MRPS35: variants seen among roughly 807,000 people sequenced by gnomAD.
The protein encoded by MRPS35 is small ribosomal subunit protein mS35.
In MRPS35, 29 loss-of-function variants were observed where a neutral mutation model predicts 32.7. The observed-to-expected ratio is 0.89, with a 90% CI of 0.66 to 1.21. The LOEUF is 1.21. MRPS35 is among the 50% of genes most tolerant of loss of function. MRPS35 has a pLI of 0.00. For synonymous variants in MRPS35, 148 were observed against 139.3 expected, an observed-to-expected ratio of 1.06 and a Z score of -0.44; for missense variants, 373 against 383.8, an observed-to-expected ratio of 0.97 and a Z score of 0.23.
rs1418233200 is a variant in MRPS35 at position 27,725,399 on chromosome 12, C to G, written c.522+1213C>G. On this transcript the variant is annotated intron_variant, in intron 5 of 7. Transcript: ENST00000081029. ...ACCATAATTTATCTGTATTATGGAA[C>G]CTTTAGGCTTTTTAATGGTTTTCTT... Among the ~76,000 whole-genome samples the G allele has an allele frequency of 2.0e-5, 3 of 151,934 alleles. No individual in the cohort carries two copies. The East Asian group carries it at 5.8e-4, about 29-fold the overall frequency.
intron 5 of MRPS35, among the ~76,000 whole-genome samples, chr12:27,732,367 A>G (rs954947010): frequency 6.6e-6 from 1 of 152,140 alleles, no homozygotes; most frequent in African/African-American, 2.4e-5. Flanking sequence ...TTCTTGTATC[A>G]TGCTTTTCCT....
intron 7 of MRPS35, among the ~76,000 whole-genome samples, 154 bp from the exon 8 acceptor site, chr12:27,755,027 C>G (rs1340676044): frequency 6.6e-6 from 1 of 150,386 alleles, no homozygotes; most frequent in Non-Finnish European, 1.5e-5. Flanking sequence ...AGTGCACAGA[C>G]AAGGTGTTGG....
intron 4 of MRPS35, 82 bp downstream of exon 4, chr12:27,719,950 C>T: frequency 2.0e-6 from 2 of 1,020,116 alleles, no homozygotes; most frequent in Non-Finnish European, 3.0e-6. Flanking sequence ...TACTGTATAG[C>T]CTTATATTCA....
intron 1 of MRPS35, among the ~76,000 whole-genome samples, chr12:27,711,513 C>T (rs893768698): frequency 2.0e-5 from 3 of 152,086 alleles, no homozygotes; most frequent in Admixed American, 6.6e-5. Flanking sequence ...GGGTGAGAGG[C>T]GCTGTGATAG....
intron 5 of MRPS35, among the ~76,000 whole-genome samples, chr12:27,731,136 G>A (rs758162232): frequency 1.3e-5 from 2 of 152,084 alleles, no homozygotes; most frequent in Non-Finnish European, 2.9e-5. Context: ...ACTCTTTCCA[G>A]TGACTCTTCT....
At chr12:27,730,479 C>G (rs1476131041) in intron 5 of MRPS35, among the ~76,000 whole-genome samples, 1 of 152,132 alleles carries the variant, frequency 6.6e-6, no homozygotes, top group Non-Finnish European at 1.5e-5. Context: ...GATAGTGTCT[C>G]ATTCTGTCAC....
chr12:27,742,834 T>G lies in MRPS35; in HGVS notation c.702+5226T>G, dbSNP rs2061969151. Among the ~76,000 whole-genome samples, 3 of 152,162 alleles carry G rather than the reference T, an allele frequency of 2.0e-5. No individual in the cohort carries two copies. In the South Asian group the frequency reaches 6.2e-4, roughly 31 times the overall value. ...ATTTTATTTTGGGGGCTTGTGTGTG[T>G]GTGTTTTACTAGACAATTTTAAAAG... On this transcript the variant is annotated intron_variant, in intron 7 of 7. Transcript: ENST00000081029.
chr12:27,749,828 A>G (rs1013705344), intron 7 of MRPS35, among the ~76,000 whole-genome samples: 8 of 152,252 alleles, frequency 5.3e-5, no homozygotes, highest in Admixed American at 2.0e-4. Context: ...TTTAATCTTC[A>G]GAACAGCCCT....
At chr12:27,726,673 C>G (rs2061901995) in intron 5 of MRPS35, among the ~76,000 whole-genome samples, 1 of 152,076 alleles carries the variant, frequency 6.6e-6, no homozygotes, top group Non-Finnish European at 1.5e-5. Flanking sequence ...ATTACCTGTC[C>G]TTTAGTTTTA....
intron 7 of MRPS35, among the ~76,000 whole-genome samples, chr12:27,745,023 T>A (rs2061977305): frequency 6.6e-6 from 1 of 152,164 alleles, no homozygotes; most frequent in Non-Finnish European, 1.5e-5. Flanking sequence ...TGGCGTGATC[T>A]CGGCTCACTG....
At chr12:27,727,739 C>G (rs1489796725) in intron 5 of MRPS35, among the ~76,000 whole-genome samples, 1 of 152,096 alleles carries the variant, frequency 6.6e-6, no homozygotes, top group African/African-American at 2.4e-5. Flanking sequence ...AGTTTTAGCT[C>G]TTACATTTAG....
At chr12:27,740,426 C>G (rs920581906) in intron 7 of MRPS35, among the ~76,000 whole-genome samples, 5 of 152,110 alleles carry the variant, frequency 3.3e-5, no homozygotes, top group Non-Finnish European at 7.4e-5. Flanking sequence ...TGGCACCATG[C>G]CCAGCTAATT....
intron 7 of MRPS35, among the ~76,000 whole-genome samples, chr12:27,749,607 C>CA (rs1356505615): frequency 6.6e-6 from 1 of 152,128 alleles, no homozygotes; most frequent in Admixed American, 6.6e-5. Context: ...GAATACATGT[C>CA]ATGTACATTT....
At chr12:27,754,812 A>G (rs1390507838) in intron 7 of MRPS35, among the ~76,000 whole-genome samples, 1 of 151,416 alleles carries the variant, frequency 6.6e-6, no homozygotes, top group East Asian at 1.9e-4. Flanking sequence ...ATTAGGGTTT[A>G]GAGAATAGCT....
chr12:27,716,792 A>T (rs1202003325), intron 3 of MRPS35, among the ~76,000 whole-genome samples: 2 of 152,116 alleles, frequency 1.3e-5, no homozygotes. Context: ...GTTCAAGACC[A>T]ATCTGGCCAA....
chr12:27,724,090 A>G lies in MRPS35; in HGVS notation c.426A>G (p.Lys142=), dbSNP rs764272826. Residue 142 remains lysine (K), a synonymous_variant, in exon 5 of 8, where the codon AAA becomes AAG. Transcript: ENST00000081029. The stretch of plus-strand genomic sequence containing the variant: ...CAGCCGCACTGGACAGTGACGAGAA[A>G]TGTGAGAAGCATTTTCCAATTGAAA... The part of the protein sequence containing the change: ...EWPAALDSDE[K]CEKHFPIEID... 9 of 1,612,774 alleles carry G rather than the reference A, an allele frequency of 5.6e-6. No individual in the cohort carries two copies. In the East Asian group the frequency reaches 8.9e-5, roughly 16 times the overall value.
chr12:27,755,008 A>AGG (rs2062020476), intron 7 of MRPS35, among the ~76,000 whole-genome samples, 173 bp from the exon 8 acceptor site: 1 of 152,070 alleles, frequency 6.6e-6, no homozygotes, highest in South Asian at 2.1e-4. Flanking sequence ...TACAGGGTTA[A>AGG]GGGGCCAAAG....
intron 7 of MRPS35, among the ~76,000 whole-genome samples, chr12:27,742,452 TG>T (rs1211821613): frequency 1.3e-5 from 2 of 152,226 alleles, no homozygotes; most frequent in Non-Finnish European, 2.9e-5. Context: ...TTGAGCTTAA[TG>T]GAAGTAGGAA....
chr12:27,740,109 T>G (rs1004228073), intron 7 of MRPS35, among the ~76,000 whole-genome samples: 2 of 152,244 alleles, frequency 1.3e-5, no homozygotes, highest in African/African-American at 4.8e-5. Context: ...TTTTATTGAA[T>G]TGAAATTCAT....
Sources: gnomAD v4.1 joint callset for allele counts (sites outside exome capture counted in the v4.1 genomes callset) on GRCh38, gnomAD v4.1.1 for gene constraint, MANE v1.5 for transcripts, NCBI Gene and HGNC (gene_info 2026-07-23, HGNC 2026-07-21) for gene names.